SLC30A3: variants seen among roughly 807,000 people sequenced by gnomAD.
SLC30A3 encodes solute carrier family 30 member 3.
Under a neutral mutation model 35.6 loss-of-function variants are expected in SLC30A3, and 20 were observed. The observed-to-expected ratio is 0.56, with a 90% CI of 0.39 to 0.82. The LOEUF is 0.82. Among genes scored for constraint, SLC30A3 ranks in the 40% least tolerant of loss-of-function variants. The pLI, the probability that SLC30A3 is intolerant of heterozygous loss-of-function variation, is 0.00. For synonymous variants in SLC30A3, 217 were observed against 224.7 expected (o/e 0.97, Z 0.31); for missense variants, 401 against 530.6 (o/e 0.76, Z 2.40).
At chr2:27,270,479 C>T (rs1371918120) in intron 1 of SLC30A3, among the ~76,000 whole-genome samples, 1 of 151,586 alleles carries the variant, frequency 6.6e-6, no homozygotes, top group Non-Finnish European at 1.5e-5. Flanking sequence ...AGGGGAAGGA[C>T]CCTGATTTTT....
In SLC30A3 at chr2:27,255,402, C is replaced by T. The variant is rs1323865432; in HGVS notation, c.1077G>A (p.Arg359=). The T allele has an allele frequency of 1.2e-6, 2 of 1,614,122 alleles. No individual in the cohort carries two copies. Among genetic ancestry groups the T allele is most frequent in the South Asian group, 1.1e-5 (1 of 91,068 alleles). Residue 359 remains arginine (R), a synonymous_variant, in exon 8 of 8, where the codon CGG becomes CGA. Transcript: ENST00000233535. The surrounding 1 kb of genome is among the most constrained non-coding windows in gnomAD (Gnocchi z 5.2). The stretch of plus-strand genomic sequence containing the variant: ...GCAGGGTGCAGCTGGAGAATCCAAA[C>T]CGGGAGTAGAGCCGGGATGAGGCTT... The part of the protein sequence containing the change: ...LAEASSRLYS[R]FGFSSCTLQV...
At chr2:27,265,743 A>C (rs150683302), upstream of SLC30A3, among the ~76,000 whole-genome samples, 265 of 152,040 alleles carry the variant, frequency 1.7e-3, no homozygotes, top group African/African-American at 6.1e-3. This position sits in a 1 kb window ranked among gnomAD's most constrained non-coding sequence, Gnocchi z 5.9. Context: ...CACTCACCTC[A>C]TGGTGATGAA....
Position 27,257,394 on chromosome 2 carries a change from T to C in SLC30A3, c.579-42A>G, listed in dbSNP as rs1265307424. 6.5e-7 allele frequency: 1 copy of C among 1,545,066 alleles called. No individual in the cohort carries two copies. The highest frequency in any genetic ancestry group is 8.8e-7 in the Non-Finnish European group (1 of 1,136,926). On this transcript the variant is annotated intron_variant, in intron 4 of 7. Transcript: ENST00000233535. This position sits in a 1 kb window ranked among gnomAD's most constrained non-coding sequence, Gnocchi z 4.7. Reference sequence around the variant, plus strand: ...GCACCTCAGCCTAGGGCCCTGCTCCTGGCCTCCTATACCCCCATCTCCATG... The same window carrying C: ...GCACCTCAGCCTAGGGCCCTGCTCCCGGCCTCCTATACCCCCATCTCCATG...
At position 27,262,686 on chromosome 2, in the gene SLC30A3, A is replaced by G. The variant is rs1229493782; in HGVS notation, c.95+126T>C. 1.1e-6 allele frequency: 1 copy of G among 912,750 alleles called. No individual in the cohort carries two copies. Among genetic ancestry groups the G allele is most frequent in the South Asian group, 2.0e-5 (1 of 49,234 alleles). 56.5% of individuals were successfully genotyped at this position (912,750 alleles called of 1,614,324 possible). ...GGCCAGAGGGGATGAAGCGGGGTGCAGCGGAGCGAGGGACCCGCGGTGCGC... is the reference window on the plus strand; with the variant it reads ...GGCCAGAGGGGATGAAGCGGGGTGCGGCGGAGCGAGGGACCCGCGGTGCGC... On this transcript the variant is annotated intron_variant, in intron 1 of 7. Transcript: ENST00000233535. The surrounding 1 kb of genome is among the most constrained non-coding windows in gnomAD (Gnocchi z 7.5).
chr2:27,258,338 C>A lies in SLC30A3; in HGVS notation c.278-31G>T, dbSNP rs891755960. 2.7e-6 allele frequency: 4 copies of A among 1,507,318 alleles called. No homozygotes were observed. In the African/African-American group the frequency reaches 5.6e-5, roughly 21 times the overall value. 93.4% of individuals were successfully genotyped at this position (1,507,318 alleles called of 1,614,324 possible). On this transcript the variant is annotated intron_variant, in intron 2 of 7. Coordinates refer to ENST00000233535, the MANE Select transcript of SLC30A3 (RefSeq NM_003459.5). This position sits in a 1 kb window ranked among gnomAD's most constrained non-coding sequence, Gnocchi z 4.0. The stretch of plus-strand genomic sequence containing the variant: ...AGGGTGAAATGATGGAGTCTGCTTC[C>A]ATTTAGAAAATATCATGTAGTGTGT...
At chr2:27,256,206 A>G in intron 7 of SLC30A3, 180 bp downstream of exon 7, 1 of 704,292 alleles carries the variant, frequency 1.4e-6, no homozygotes, top group Non-Finnish European at 2.4e-6. Flanking sequence ...CTTGTCTCCA[A>G]CATGCACGAG....
At chr2:27,266,267 A>G (rs1287510507), upstream of SLC30A3, among the ~76,000 whole-genome samples, 1 of 151,942 alleles carries the variant, frequency 6.6e-6, no homozygotes, top group African/African-American at 2.4e-5. Flanking sequence ...TACTGTAACT[A>G]AATTGTTACT....
chr2:27,260,830 A>G (rs1677142840), intron 1 of SLC30A3, among the ~76,000 whole-genome samples: 1 of 152,198 alleles, frequency 6.6e-6, no homozygotes, highest in Admixed American at 6.5e-5. Context: ...CTGGGCGTGT[A>G]TGATTCTGGA....
At chr2:27,265,609 C>T (rs1481057982), upstream of SLC30A3, among the ~76,000 whole-genome samples, 1 of 152,098 alleles carries the variant, frequency 6.6e-6, no homozygotes, top group Non-Finnish European at 1.5e-5. This position sits in a 1 kb window ranked among gnomAD's most constrained non-coding sequence, Gnocchi z 5.9. Context: ...ACCTGGAGGT[C>T]CAACTTCTAC....
Position 27,255,239 on chromosome 2 carries a change from G to A in SLC30A3, c.*73C>T, listed in dbSNP as rs528986662. On this transcript the variant is annotated 3_prime_UTR_variant, in exon 8 of 8. Coordinates refer to ENST00000233535, the MANE Select transcript of SLC30A3 (RefSeq NM_003459.5). The surrounding 1 kb of genome is among the most constrained non-coding windows in gnomAD (Gnocchi z 5.2). ...GGACCTGGCTCGGTCCCGTCTCTGTGATCAGGGCAGCAGATGCTGAGAGTC... is the reference window on the plus strand; with the variant it reads ...GGACCTGGCTCGGTCCCGTCTCTGTAATCAGGGCAGCAGATGCTGAGAGTC... The A allele has an allele frequency of 1.9e-6, 3 of 1,608,948 alleles. No homozygotes were observed. Among genetic ancestry groups the A allele is most frequent in the Admixed American group, 3.3e-5 (2 of 59,794 alleles).
rs571457015 is a variant in SLC30A3 at position 27,257,101 on chromosome 2, G to A, written c.777+53C>T. On this transcript the variant is annotated intron_variant, in intron 5 of 7. Transcript: ENST00000233535. The surrounding 1 kb of genome is among the most constrained non-coding windows in gnomAD (Gnocchi z 4.7). Reference sequence around the variant, plus strand: ...AGCTTTGGGACCTGGGAAGGAGTGGGCTGGGATGTGGTTGTGGGGAGGAAG... The same window carrying A: ...AGCTTTGGGACCTGGGAAGGAGTGGACTGGGATGTGGTTGTGGGGAGGAAG... 2 of 1,553,610 alleles carry A rather than the reference G, an allele frequency of 1.3e-6. No individual in the cohort carries two copies. The highest frequency in any genetic ancestry group is 3.4e-5 in the Admixed American group (2 of 59,686).
Position 27,254,148 on chromosome 2 carries a change from C to A in SLC30A3, c.*1164G>T, listed in dbSNP as rs1288755756. ...GCTATCAGGGTTGAGGGGTCCCTAC[C>A]GCTGGACACCTTAGATGGCCTGAGA... On this transcript the variant is annotated 3_prime_UTR_variant, in exon 8 of 8. Coordinates refer to ENST00000233535, the MANE Select transcript of SLC30A3 (RefSeq NM_003459.5). 2 of 152,188 alleles carry A rather than the reference C, an allele frequency of 1.3e-5. No individual in the cohort carries two copies. The highest frequency in any genetic ancestry group is 2.4e-5 in the African/African-American group (1 of 41,438). The allele number at this position is 152,188 out of a possible 1,614,324, so 9.4% of individuals were successfully genotyped here. A position where few individuals can be genotyped will look rare whatever the true frequency, so the allele number is the denominator to read the frequency against.
At chr2:27,272,067 G>A (rs1460320839) in intron 1 of SLC30A3, among the ~76,000 whole-genome samples, 3 of 152,190 alleles carry the variant, frequency 2.0e-5, no homozygotes, top group African/African-American at 7.2e-5. Context: ...TAATTAGGTA[G>A]GAGTGTCTCG....
rs1056608271 is a variant in SLC30A3 at position 27,257,423 on chromosome 2, C to T, written c.579-71G>A. On this transcript the variant is annotated intron_variant, in intron 4 of 7. Coordinates refer to ENST00000233535, the MANE Select transcript of SLC30A3 (RefSeq NM_003459.5). This position sits in a 1 kb window ranked among gnomAD's most constrained non-coding sequence, Gnocchi z 4.7. ...CTCCTATACCCCCATCTCCATGTCT[C>T]ACCTCCCCAGTAGCCCTTTCCCAGC... 4 of 1,424,522 alleles carry T rather than the reference C, an allele frequency of 2.8e-6. No individual in the cohort carries two copies. The East Asian group carries it at 7.4e-5, about 26-fold the overall frequency. 88.2% of individuals were successfully genotyped at this position (1,424,522 alleles called of 1,614,324 possible).
upstream of SLC30A3, chr2:27,264,083 C>T (rs2148140299): frequency 7.8e-7 from 1 of 1,287,760 alleles, no homozygotes; most frequent in South Asian, 1.2e-5. The surrounding 1 kb of genome is among the most constrained non-coding windows in gnomAD (Gnocchi z 6.1). Context: ...CCTGCCGCCA[C>T]TGTAGAATGG....
chr2:27,264,305 A>G (rs534216026), upstream of SLC30A3, among the ~76,000 whole-genome samples: 1 of 152,308 alleles, frequency 6.6e-6, no homozygotes, highest in Admixed American at 6.5e-5. The surrounding 1 kb of genome is among the most constrained non-coding windows in gnomAD (Gnocchi z 6.1). Flanking sequence ...TACCCTCGAT[A>G]TTGTTATTCC....
chr2:27,255,192 G>C lies in SLC30A3; in HGVS notation c.*120C>G. 6.3e-7 allele frequency: 1 copy of C among 1,598,518 alleles called. No homozygotes were observed. The highest frequency in any genetic ancestry group is 1.3e-5 in the African/African-American group (1 of 74,990). On this transcript the variant is annotated 3_prime_UTR_variant, in exon 8 of 8. Transcript: ENST00000233535. This position sits in a 1 kb window ranked among gnomAD's most constrained non-coding sequence, Gnocchi z 5.2. The stretch of plus-strand genomic sequence containing the variant: ...AGGCTGGGGAAACTGGCAGGTGGTA[G>C]GAGGGAGAGAGGAAGGGGTATGGAC...
At chr2:27,256,719 G>T in intron 6 of SLC30A3, 69 bp downstream of exon 6, 1 of 1,330,206 alleles carries the variant, frequency 7.5e-7, no homozygotes, top group Non-Finnish European at 1.1e-6. Context: ...AAAGAAAAAA[G>T]TGATGGCCCA....
In SLC30A3 at chr2:27,262,568, C is replaced by T. The variant is rs956836415; in HGVS notation, c.95+244G>A. On this transcript the variant is annotated intron_variant, in intron 1 of 7. Transcript: ENST00000233535. The surrounding 1 kb of genome is among the most constrained non-coding windows in gnomAD (Gnocchi z 7.5). ...CGGAGGGGTCCGGCGGCCTGGGACG[C>T]CGGCCGGAGGGGAGTGAGAGGCCGC... 6.6e-6 allele frequency among the ~76,000 whole-genome samples: 1 copy of T among 152,026 alleles called. No homozygotes were observed. Among genetic ancestry groups the T allele is most frequent in the African/African-American group, 2.4e-5 (1 of 41,408 alleles).
Sources: allele counts gnomAD v4.1 joint callset (sites outside exome capture counted in the v4.1 genomes callset), GRCh38; gene constraint gnomAD v4.1.1; non-coding constraint Gnocchi (gnomAD v3.1); transcripts MANE v1.5; gene names NCBI Gene and HGNC (gene_info 2026-07-23, HGNC 2026-07-21).